The following GALNT13 variants were observed in gnomAD, a reference collection of about 807,000 sequenced individuals.
GALNT13 encodes UDP-GalNAc:polypeptide N-acetylgalactosaminyltransferase 13.
A neutral mutation model predicts 64.2 loss-of-function variants in GALNT13; 28 were observed. The observed-to-expected ratio is 0.44, with a 90% CI of 0.32 to 0.60. The LOEUF is 0.60. Among genes scored for constraint, GALNT13 ranks in the 20% least tolerant of loss-of-function variants. The pLI is 0.05. For missense variants in GALNT13, 577 were observed against 669.8 expected, an observed-to-expected ratio of 0.86 and a Z score of 1.53; for synonymous variants, 214 against 224.6, an observed-to-expected ratio of 0.95 and a Z score of 0.42.
chr2:153,567,674 G>A, the GALNT13 span, among the ~76,000 whole-genome samples: 1 of 152,196 alleles, frequency 6.6e-6, no homozygotes, highest in Non-Finnish European at 1.5e-5. Flanking sequence ...AACACTCCTG[G>A]AGAAATCACT....
chr2:153,765,389 G>T, the GALNT13 span, among the ~76,000 whole-genome samples: 4 of 152,140 alleles, frequency 2.6e-5, no homozygotes. Flanking sequence ...GAACTTTAAG[G>T]TGTAATGACT....
At chr2:154,384,370 C>T (rs532251438) in intron 9 of GALNT13, among the ~76,000 whole-genome samples, 187 of 151,882 alleles carry the variant, frequency 1.2e-3, no homozygotes, top group African/African-American at 4.4e-3. Flanking sequence ...ACCTATTTAA[C>T]TTTGTTTTAC....
the GALNT13 span, among the ~76,000 whole-genome samples, chr2:153,633,400 G>A: frequency 1.3e-5 from 2 of 152,012 alleles, no homozygotes; most frequent in African/African-American, 2.4e-5. Flanking sequence ...TTCCCATTCA[G>A]TTTACTCCCT....
intron 3 of GALNT13, among the ~76,000 whole-genome samples, chr2:153,984,377 C>A (rs1310491079): frequency 1.3e-5 from 2 of 151,406 alleles, no homozygotes; most frequent in African/African-American, 4.8e-5. Context: ...GATACTAGCT[C>A]CAGAAGACTG....
chr2:154,162,352 A>C (rs1381580376), intron 4 of GALNT13, among the ~76,000 whole-genome samples: 1 of 152,232 alleles, frequency 6.6e-6, no homozygotes, highest in African/African-American at 2.4e-5. Context: ...AACAGTTTTG[A>C]TAATCTGAGA....
At chr2:153,770,964 G>C in the GALNT13 span, among the ~76,000 whole-genome samples, 721 of 152,306 alleles carry the variant, frequency 4.7e-3, 6 homozygotes, top group Non-Finnish European at 7.3e-3. Context: ...GCATGGGAAG[G>C]GGGGTGGCCT....
the GALNT13 span, among the ~76,000 whole-genome samples, chr2:153,671,078 G>T: frequency 1.3e-5 from 2 of 152,180 alleles, no homozygotes; most frequent in Admixed American, 1.3e-4. Context: ...CATTTGATTG[G>T]TGTACCTGAA....
chr2:153,294,303 TC>T, the GALNT13 span, among the ~76,000 whole-genome samples: 1 of 152,096 alleles, frequency 6.6e-6, no homozygotes, highest in Non-Finnish European at 1.5e-5. Context: ...CTTGCTTCCT[TC>T]AAGTTTCACA....
chr2:154,243,905 T>G (rs1345119624), intron 6 of GALNT13, among the ~76,000 whole-genome samples: 1 of 152,164 alleles, frequency 6.6e-6, no homozygotes, highest in Non-Finnish European at 1.5e-5. Context: ...GCCAGGAAGA[T>G]GGATGGAAGC....
chr2:153,589,756 G>A, the GALNT13 span, among the ~76,000 whole-genome samples: 1 of 152,114 alleles, frequency 6.6e-6, no homozygotes, highest in Non-Finnish European at 1.5e-5. Context: ...CATTTTGTGA[G>A]ACTTATTCAC....
At chr2:153,528,563 C>CAAAT in the GALNT13 span, among the ~76,000 whole-genome samples, 3 of 151,910 alleles carry the variant, frequency 2.0e-5, no homozygotes, top group African/African-American at 7.2e-5. Flanking sequence ...TACTGTAAAC[C>CAAAT]AAATGGTTCT....
chr2:154,149,486 G>C, intron 4 of GALNT13, among the ~76,000 whole-genome samples: 1 of 151,972 alleles, frequency 6.6e-6, no homozygotes, highest in African/African-American at 2.4e-5. Context: ...AGCTTGATGG[G>C]GATGGCATTG....
intron 3 of GALNT13, among the ~76,000 whole-genome samples, chr2:154,131,093 AT>A (rs1245889088): frequency 3.9e-5 from 6 of 152,132 alleles, no homozygotes; most frequent in Admixed American, 3.9e-4. Flanking sequence ...CCTTTTAAAT[AT>A]TTTTTATTGA....
chr2:153,710,473 T>A, the GALNT13 span, among the ~76,000 whole-genome samples: 1 of 152,068 alleles, frequency 6.6e-6, no homozygotes. Flanking sequence ...TCTCAATAAG[T>A]CCCAAGAGTT....
intron 8 of GALNT13, among the ~76,000 whole-genome samples, chr2:154,265,536 T>C (rs1320876670): frequency 6.6e-6 from 1 of 151,952 alleles, no homozygotes; most frequent in Non-Finnish European, 1.5e-5. Flanking sequence ...CTGTCTCTAC[T>C]AAAAATACAA....
At chr2:153,417,951 C>T in the GALNT13 span, among the ~76,000 whole-genome samples, 1 of 152,084 alleles carries the variant, frequency 6.6e-6, no homozygotes, top group African/African-American at 2.4e-5. Flanking sequence ...AAGATTGAGT[C>T]CTTGAAGGAT....
chr2:154,403,410 C>A (rs1446801664), intron 10 of GALNT13, among the ~76,000 whole-genome samples: 1 of 151,610 alleles, frequency 6.6e-6, no homozygotes, highest in African/African-American at 2.4e-5. Context: ...GATCTGAGAT[C>A]ACACTGCTGC....
chr2:154,146,350 C>T (rs945860640), intron 4 of GALNT13, among the ~76,000 whole-genome samples: 2 of 151,764 alleles, frequency 1.3e-5, no homozygotes, highest in Non-Finnish European at 2.9e-5. Context: ...GAAAACATGC[C>T]ACATAACCTT....
At chr2:153,305,592 G>A in the GALNT13 span, among the ~76,000 whole-genome samples, 1 of 152,052 alleles carries the variant, frequency 6.6e-6, no homozygotes, top group African/African-American at 2.4e-5. Flanking sequence ...AAACAGAATG[G>A]TTTACAACTC....
Sources: allele counts gnomAD v4.1 joint callset (sites outside exome capture counted in the v4.1 genomes callset), GRCh38; gene constraint gnomAD v4.1.1; transcripts MANE v1.5; gene names NCBI Gene and HGNC (gene_info 2026-07-23, HGNC 2026-07-21).